Variants in TFB1M observed in about 807,000 individuals in gnomAD.
The protein encoded by TFB1M is transcription factor B1, mitochondrial.
TFB1M carries 27 observed loss-of-function variants against 31.1 expected under a neutral mutation model. That is an observed-to-expected ratio of 0.87 (90% CI 0.64 to 1.20). The LOEUF is 1.20. Ranked by LOEUF, TFB1M falls within the 50% of genes most tolerant of loss-of-function variation. TFB1M has a pLI of 0.00. For missense variants in TFB1M, 394 were observed against 418.7 expected, an observed-to-expected ratio of 0.94 and a Z score of 0.51; for synonymous variants, 166 against 151.8, an observed-to-expected ratio of 1.09 and a Z score of -0.69.
chr6:155,239,843 G>A, the TFB1M span, among the ~76,000 whole-genome samples: 1 of 152,210 alleles, frequency 6.6e-6, no homozygotes, highest in African/African-American at 2.4e-5. Context: ...CAGGCCTTAT[G>A]TGTCCTCTGC....
chr6:155,301,497 C>T (rs994444978), intron 2 of TFB1M, among the ~76,000 whole-genome samples: 9 of 152,118 alleles, frequency 5.9e-5, no homozygotes, highest in East Asian at 3.8e-4. Context: ...TATATGCATT[C>T]GAGAATAACA....
At chr6:155,234,569 AT>A in the TFB1M span, among the ~76,000 whole-genome samples, 3 of 151,456 alleles carry the variant, frequency 2.0e-5, no homozygotes, top group African/African-American at 4.9e-5. Flanking sequence ...TGGCCGGCTA[AT>A]TTTTTTTTAT....
chr6:155,275,797 G>T, intron 5 of TFB1M: 1 of 1,614,132 alleles, frequency 6.2e-7, no homozygotes, highest in African/African-American at 1.3e-5. Context: ...CAGCCACTCT[G>T]CTGCCCAACT....
the TFB1M span, among the ~76,000 whole-genome samples, chr6:155,236,037 C>T: frequency 5.3e-5 from 8 of 151,940 alleles, no homozygotes; most frequent in Non-Finnish European, 1.0e-4. Context: ...TTCAGGACTG[C>T]AGAATTATAT....
intron 5 of TFB1M, among the ~76,000 whole-genome samples, chr6:155,274,463 A>G (rs1425417631): frequency 6.6e-6 from 1 of 152,226 alleles, no homozygotes; most frequent in African/African-American, 2.4e-5. Flanking sequence ...ATCCTTTCAC[A>G]TACAACTAAT....
chr6:155,295,047 C>T (rs989554450), intron 4 of TFB1M, among the ~76,000 whole-genome samples: 1 of 152,150 alleles, frequency 6.6e-6, no homozygotes, highest in African/African-American at 2.4e-5. Flanking sequence ...TATGAATACA[C>T]ATTATATAAA....
the TFB1M span, among the ~76,000 whole-genome samples, chr6:155,233,577 G>A: frequency 2.0e-5 from 3 of 152,156 alleles, no homozygotes; most frequent in Non-Finnish European, 4.4e-5. Context: ...CTGCTTAGAC[G>A]TCTGCCTGAA....
rs1337699274 is a variant in TFB1M at position 155,311,260 on chromosome 6, T to A, written c.213A>T (p.Arg71Ser). 2 of 1,613,996 alleles carry A rather than the reference T, an allele frequency of 1.2e-6. No individual in the cohort carries two copies. The highest frequency in any genetic ancestry group is 1.7e-5 in the Admixed American group (1 of 60,000). ...CAGCGACGTCGGCATTAAGAATAGA[T>A]CTTGTGATTCCCCCTGGCCCAGGGC... The part of the protein sequence containing the change: ...EVGPGPGGIT[R>S]SILNADVAEL... The change falls in exon 2 of 7, where the codon AGA (arginine) becomes AGT (serine). Residue 71 changes from arginine to serine, a missense_variant. Arg to Ser is a moderately radical substitution (Grantham distance 110). Coordinates refer to ENST00000367166, the MANE Select transcript of TFB1M (RefSeq NM_016020.4).
chr6:155,280,768 T>C (rs1247836380), intron 5 of TFB1M, among the ~76,000 whole-genome samples: 2 of 152,154 alleles, frequency 1.3e-5, no homozygotes, highest in African/African-American at 4.8e-5. Context: ...AAAACAGTTG[T>C]CTCTTCTGTG....
intron 4 of TFB1M, among the ~76,000 whole-genome samples, chr6:155,291,924 A>C (rs1776943881): frequency 6.6e-6 from 1 of 152,234 alleles, no homozygotes; most frequent in Non-Finnish European, 1.5e-5. Flanking sequence ...AAGCTTATGT[A>C]GTAGTAGAGT....
At chr6:155,253,045 A>T, downstream of TFB1M, 1 of 1,613,896 alleles carries the variant, frequency 6.2e-7, no homozygotes, top group Non-Finnish European at 8.5e-7. Context: ...AGACTGGGGA[A>T]TCCAGCAGGT....
rs1419596021 is a variant in TFB1M, at chr6:155,314,418, G to C, written c.11C>G (p.Ser4Cys). The change falls in exon 1 of 7, where the codon TCC becomes TGC. Residue 4 changes from serine (S) to cysteine (C), a missense_variant. Physicochemically the swap from Ser to Cys is moderately radical, Grantham distance 112. Coordinates refer to ENST00000367166, the MANE Select transcript of TFB1M (RefSeq NM_016020.4). MAASGKLSTCRLPP... is the reference protein window; with the variant it reads MAACGKLSTCRLPP... ...GAGACGGCAAGTGCTGAGTTTTCCG[G>C]AGGCAGCCATGATACGCGGCAAGCA... 5 of 1,614,050 alleles carry C rather than the reference G, an allele frequency of 3.1e-6. No individual in the cohort carries two copies. Among genetic ancestry groups the C allele is most frequent in the Non-Finnish European group, 4.2e-6 (5 of 1,180,016 alleles).
chr6:155,237,336 A>T, the TFB1M span, among the ~76,000 whole-genome samples: 1 of 152,226 alleles, frequency 6.6e-6, no homozygotes. Flanking sequence ...GCTTTAAAGG[A>T]TATAGCCTCC....
At position 155,257,840 on chromosome 6, in the gene TFB1M, A is replaced by AGTC. The variant is rs1468165122; in HGVS notation, c.1034_1036dup (p.Arg345dup). On this transcript the variant is annotated inframe_insertion, in exon 7 of 7. Coordinates refer to ENST00000367166, the MANE Select transcript of TFB1M (RefSeq NM_016020.4). ...CTGCTCGCCCCCAGGCAGCAGCTAGAGTCTGTAATTCTCTGCGTCATCCTC... is the reference window on the plus strand; with the variant it reads ...CTGCTCGCCCCCAGGCAGCAGCTAGAGTCGTCTGTAATTCTCTGCGTCATCCTC... The AGTC allele has an allele frequency of 1.2e-6, 2 of 1,614,136 alleles. No individual in the cohort carries two copies. The highest frequency in any genetic ancestry group is 1.7e-5 in the Admixed American group (1 of 60,032).
downstream of TFB1M, among the ~76,000 whole-genome samples, chr6:155,251,576 C>T (rs945525623): frequency 5.3e-5 from 8 of 152,164 alleles, no homozygotes; most frequent in Admixed American, 6.5e-5. Flanking sequence ...CATTAGCCAC[C>T]GTGCCTGGCC....
At chr6:155,286,779 T>C (rs412027) in intron 4 of TFB1M, among the ~76,000 whole-genome samples, 86,663 of 150,820 alleles carry the variant, frequency 0.57, 25,740 homozygotes, top group East Asian at 0.84. Flanking sequence ...GAGTTCAAGA[T>C]CAGCCTGGGC....
rs1228458605 is a variant in TFB1M, at chr6:155,256,306, C to A, written c.*1530G>T. ...CTAACTTACAACTGTAAACCTAAGT[C>A]AAAAATGTCCATGTTTTCAGTAGCT... On this transcript the variant is annotated 3_prime_UTR_variant, in exon 7 of 7. Transcript: ENST00000367166. 4.4e-6 allele frequency: 4 copies of A among 909,576 alleles called. No homozygotes were observed. The highest frequency in any genetic ancestry group is 1.7e-5 in the African/African-American group (1 of 59,390). 56.3% of individuals were successfully genotyped at this position (909,576 alleles called of 1,614,324 possible). A position where few individuals can be genotyped will look rare whatever the true frequency, so the allele number is the denominator to read the frequency against.
intron 5 of TFB1M, 91 bp downstream of exon 5, chr6:155,285,067 G>A: frequency 6.5e-7 from 1 of 1,538,106 alleles, no homozygotes; most frequent in Non-Finnish European, 9.0e-7. Flanking sequence ...ATAAACAAAG[G>A]TTAGATCCTA....
chr6:155,298,945 G>C (rs1387151145), intron 2 of TFB1M, among the ~76,000 whole-genome samples: 1 of 152,070 alleles, frequency 6.6e-6, no homozygotes, highest in Non-Finnish European at 1.5e-5. Context: ...GAAATACAGA[G>C]AATTAATCAG....
Sources: allele counts gnomAD v4.1 joint callset (sites outside exome capture counted in the v4.1 genomes callset), GRCh38; gene constraint gnomAD v4.1.1; transcripts MANE v1.5; gene names NCBI Gene and HGNC (gene_info 2026-07-23, HGNC 2026-07-21).